The following ZNF492 variants were observed in gnomAD, a reference collection of about 807,000 sequenced individuals.
The protein encoded by ZNF492 is zinc finger protein 492, also known as zinc finger protein 115 (Y20).
Under a neutral mutation model 6.4 loss-of-function variants are expected in ZNF492, and 3 were observed. The ratio of observed to expected loss-of-function variants is 0.47; its 90% CI spans 0.21 to 1.22. The LOEUF (loss-of-function observed/expected upper bound fraction) is 1.22, where lower values mean the gene tolerates loss of function less well. Among genes scored for constraint, ZNF492 ranks in the 50% most tolerant of loss-of-function variants. The probability of loss-of-function intolerance (pLI) is 0.22; values close to 1 mark genes in which losing one functional copy is unlikely to be tolerated. For synonymous variants in ZNF492, 112 were observed against 205.3 expected (o/e 0.55, Z 3.89); for missense variants, 356 against 612.5 (o/e 0.58, Z 4.42).
intron 1 of ZNF492, among the ~76,000 whole-genome samples, chr19:22,637,218 C>T (rs1971777805): frequency 6.6e-6 from 1 of 152,018 alleles, no homozygotes; most frequent in Admixed American, 6.6e-5. Flanking sequence ...ACCTTGTGAT[C>T]TGCCTGTCTT....
intron 1 of ZNF492, among the ~76,000 whole-genome samples, chr19:22,649,855 C>T (rs980703934): frequency 1.3e-5 from 2 of 152,082 alleles, no homozygotes; most frequent in African/African-American, 4.8e-5. Context: ...AACTTTTTAT[C>T]AAGGTTCTTA....
chr19:22,658,276 G>A (rs541025792), intron 3 of ZNF492, among the ~76,000 whole-genome samples: 21 of 151,444 alleles, frequency 1.4e-4, no homozygotes, highest in South Asian at 1.0e-3. Context: ...TTAAAACTTA[G>A]CCAGACATGG....
intron 1 of ZNF492, among the ~76,000 whole-genome samples, chr19:22,644,435 G>A (rs927337925): frequency 6.6e-6 from 1 of 152,028 alleles, no homozygotes; most frequent in African/African-American, 2.4e-5. Flanking sequence ...GTGTCCTTGT[G>A]TTCTCATTGT....
chr19:22,648,338 G>GCA (rs1971905332), intron 1 of ZNF492, among the ~76,000 whole-genome samples: 1 of 152,156 alleles, frequency 6.6e-6, no homozygotes, highest in South Asian at 2.1e-4. Flanking sequence ...CAGTCCTGTT[G>GCA]CATTGGCTGA....
intron 3 of ZNF492, among the ~76,000 whole-genome samples, chr19:22,656,748 A>G (rs4088019): frequency 1.7e-3 from 262 of 152,176 alleles, no homozygotes; most frequent in Middle Eastern, 6.8e-3. Context: ...CAGGGGTCCT[A>G]TAGTTTGCCA....
chr19:22,659,302 G>A (rs1229813760), intron 3 of ZNF492, among the ~76,000 whole-genome samples: 1 of 149,738 alleles, frequency 6.7e-6, no homozygotes, highest in African/African-American at 2.5e-5. Flanking sequence ...TGTAATAAGA[G>A]GAGGTCTATC....
intron 1 of ZNF492, among the ~76,000 whole-genome samples, chr19:22,641,589 A>C (rs1012102743): frequency 3.3e-5 from 5 of 152,088 alleles, no homozygotes; most frequent in Non-Finnish European, 7.4e-5. Flanking sequence ...TTTTAGATGG[A>C]GAGTTCTGTA....
Position 22,663,852 on chromosome 19 carries a change from T to G in ZNF492, c.183T>G (p.Asn61Lys). The change falls in exon 4 of 4, where the codon AAT becomes AAG. Residue 61 changes from asparagine to lysine, a missense_variant. By Grantham distance (94) the Asn-to-Lys change is moderately conservative. Transcript: ENST00000456783. Reference protein sequence around the residue: ...RDLWPKQGKKNYFQKVILRRY... With the variant: ...RDLWPKQGKKKYFQKVILRRY... Reference sequence around the variant, plus strand: ...TTTGGCCAAAGCAGGGCAAAAAAAATTATTTCCAAAAAGTGATACTGAGAA... The same window carrying G: ...TTTGGCCAAAGCAGGGCAAAAAAAAGTATTTCCAAAAAGTGATACTGAGAA... The G allele has an allele frequency of 6.4e-7, 1 of 1,560,782 alleles. No homozygotes were observed. Among genetic ancestry groups the G allele is most frequent in the Non-Finnish European group, 8.6e-7 (1 of 1,158,072 alleles).
chr19:22,661,198 T>A (rs1483557883), intron 3 of ZNF492, among the ~76,000 whole-genome samples: 1 of 146,646 alleles, frequency 6.8e-6, no homozygotes, highest in African/African-American at 2.7e-5. Flanking sequence ...TTCTACTTTT[T>A]ACCACCAAAT....
chr19:22,655,895 G>A (rs1345568842), intron 3 of ZNF492, among the ~76,000 whole-genome samples: 2 of 138,910 alleles, frequency 1.4e-5, no homozygotes, highest in East Asian at 4.2e-4. Flanking sequence ...CGCGGCCTCG[G>A]CTCACTGCAA....
chr19:22,657,328 A>G (rs1391645169), intron 3 of ZNF492, among the ~76,000 whole-genome samples: 1 of 151,970 alleles, frequency 6.6e-6, no homozygotes, highest in Non-Finnish European at 1.5e-5. Flanking sequence ...AAATAGATAT[A>G]TTTTTTCTTT....
At chr19:22,659,664 G>GTTTTTTTTTTT (rs1568356633) in intron 3 of ZNF492, among the ~76,000 whole-genome samples, 1 of 126,932 alleles carries the variant, frequency 7.9e-6, no homozygotes, top group Non-Finnish European at 1.6e-5. Context: ...GTTTTTTTTT[G>GTTTTTTTTTTT]TTGTTTTTTT....
At chr19:22,660,691 T>G (rs1972049546) in intron 3 of ZNF492, among the ~76,000 whole-genome samples, 1 of 151,716 alleles carries the variant, frequency 6.6e-6, no homozygotes, top group Non-Finnish European at 1.5e-5. Flanking sequence ...TCTGTTTTTA[T>G]GTATGTGCAT....
intron 1 of ZNF492, among the ~76,000 whole-genome samples, chr19:22,640,144 A>T (rs1239556231): frequency 6.6e-6 from 1 of 151,282 alleles, no homozygotes; most frequent in Non-Finnish European, 1.5e-5. Context: ...GTGATGAATC[A>T]CATTTATTAA....
chr19:22,663,753 C>T (rs753635817), intron 3 of ZNF492, 47 bp from the exon 4 acceptor site: 109 of 1,431,818 alleles, frequency 7.6e-5, no homozygotes, highest in East Asian at 3.0e-4. Flanking sequence ...AAAGTACATT[C>T]GTCTGAGTCA....
intron 1 of ZNF492, among the ~76,000 whole-genome samples, chr19:22,646,216 C>T (rs192320305): frequency 6.6e-6 from 1 of 152,102 alleles, no homozygotes; most frequent in African/African-American, 2.4e-5. Flanking sequence ...GTTTGTAGTT[C>T]TCCTTGAAGA....
At chr19:22,638,869 G>A (rs1971795058) in intron 1 of ZNF492, among the ~76,000 whole-genome samples, 1 of 151,998 alleles carries the variant, frequency 6.6e-6, no homozygotes, top group African/African-American at 2.4e-5. Flanking sequence ...TTGAGATGGA[G>A]TCTTGCTCTG....
intron 1 of ZNF492, among the ~76,000 whole-genome samples, chr19:22,651,737 G>A (rs1049293501): frequency 2.6e-5 from 4 of 152,016 alleles, no homozygotes; most frequent in African/African-American, 9.7e-5. Context: ...AATAAAGATG[G>A]AGAGCATGTA....
intron 1 of ZNF492, among the ~76,000 whole-genome samples, chr19:22,634,974 G>C (rs549368393): frequency 1.3e-5 from 2 of 152,286 alleles, no homozygotes; most frequent in South Asian, 4.1e-4. Flanking sequence ...TTTGTGGTCG[G>C]TCCATGGGAG....
Sources: gnomAD v4.1 joint callset for allele counts (sites outside exome capture counted in the v4.1 genomes callset) on GRCh38, gnomAD v4.1.1 for gene constraint, MANE v1.5 for transcripts, NCBI Gene and HGNC (gene_info 2026-07-23, HGNC 2026-07-21) for gene names.